Variants in ANO3 observed in about 807,000 individuals in gnomAD.
ANO3 encodes the protein anoctamin 3, also known as anoctamin-3.
ANO3 carries 99 observed loss-of-function variants against 144.8 expected under a neutral mutation model. The observed-to-expected ratio is 0.68, with a 90% CI of 0.58 to 0.81. ANO3 has a LOEUF of 0.81. Ranked by LOEUF, ANO3 falls within the 30% of genes least tolerant of loss-of-function variation. The pLI, the probability that ANO3 is intolerant of heterozygous loss-of-function variation, is 0.00. For synonymous variants in ANO3, 414 were observed against 392.6 expected (o/e 1.05, Z -0.64); for missense variants, 905 against 1,202.2 (o/e 0.75, Z 3.66).
intron 1 of ANO3, among the ~76,000 whole-genome samples, chr11:26,202,917 C>A (rs886790461): frequency 1.3e-5 from 2 of 152,088 alleles, no homozygotes; most frequent in Admixed American, 1.3e-4. Flanking sequence ...AGCGTAACAC[C>A]TGGCCATAGT....
chr11:26,230,980 G>A (rs946623356), intron 1 of ANO3, among the ~76,000 whole-genome samples: 16 of 149,526 alleles, frequency 1.1e-4, no homozygotes, highest in African/African-American at 4.0e-4. Flanking sequence ...CTGTGTTCCA[G>A]TGATTCTCCT....
chr11:26,235,379 A>G (rs1852497108), intron 1 of ANO3, among the ~76,000 whole-genome samples: 2 of 152,092 alleles, frequency 1.3e-5, no homozygotes, highest in African/African-American at 4.8e-5. Flanking sequence ...ATGTGTGTGT[A>G]TGTGTGTGTG....
At chr11:26,541,916 A>G (rs763661579) in intron 10 of ANO3, 31 bp from the exon 11 acceptor site, 2 of 1,587,828 alleles carry the variant, frequency 1.3e-6, no homozygotes, top group Non-Finnish European at 1.7e-6. Flanking sequence ...TAAAAAATAG[A>G]ACCAAATGTA....
At chr11:26,269,824 C>T (rs1853402432) in intron 1 of ANO3, among the ~76,000 whole-genome samples, 1 of 152,198 alleles carries the variant, frequency 6.6e-6, no homozygotes, top group African/African-American at 2.4e-5. Flanking sequence ...AAAAAATTCA[C>T]ATATTGAAAT....
rs1378474169 is a variant in ANO3, at chr11:26,537,450, C to A, written c.1021C>A (p.Pro341Thr). ...INNGSYIAAF[P>T]PHEGAYKSSQ... ...CAATGGCTCATACATAGCAGCGTTT[C>A]CACCACATGAGGTAATTTTGAAATA... Residue 341 changes from proline to threonine, a missense_variant, in exon 10 of 27, where the codon CCA (proline) becomes ACA (threonine). Pro to Thr is a conservative substitution (Grantham distance 38, BLOSUM62 -1). This residue lies in a region of ANO3 where 597 missense variants were observed against 865.1 expected (regional missense o/e 0.69). Coordinates refer to ENST00000256737, the MANE Select transcript of ANO3 (RefSeq NM_031418.4). 3 of 1,613,354 alleles carry A rather than the reference C, an allele frequency of 1.9e-6. No individual in the cohort carries two copies. The highest frequency in any genetic ancestry group is 2.7e-5 in the African/African-American group (2 of 74,920).
chr11:26,311,589 T>G (rs1490672954), intron 1 of ANO3, among the ~76,000 whole-genome samples: 1 of 152,218 alleles, frequency 6.6e-6, no homozygotes, highest in Non-Finnish European at 1.5e-5. Flanking sequence ...GTGAAGATAT[T>G]ACTAAAGAGG....
At chr11:26,392,259 G>GTT (rs1856902005) in intron 1 of ANO3, among the ~76,000 whole-genome samples, 1 of 110,766 alleles carries the variant, frequency 9.0e-6, no homozygotes, top group Non-Finnish European at 1.8e-5. Flanking sequence ...TTTTTTTTAA[G>GTT]AATATGGCAT....
chr11:26,208,540 G>A (rs1223788838), intron 1 of ANO3, among the ~76,000 whole-genome samples: 2 of 149,482 alleles, frequency 1.3e-5, no homozygotes, highest in Non-Finnish European at 2.9e-5. Flanking sequence ...AATTGCAGGT[G>A]GACACAAACA....
At chr11:26,321,723 A>C (rs1165539270) in intron 1 of ANO3, among the ~76,000 whole-genome samples, 5 of 152,034 alleles carry the variant, frequency 3.3e-5, no homozygotes, top group Non-Finnish European at 7.4e-5. Context: ...AAGAAGTCTG[A>C]TGTCAATCTC....
At chr11:26,431,913 A>G (rs916608954) in intron 1 of ANO3, among the ~76,000 whole-genome samples, 1 of 152,188 alleles carries the variant, frequency 6.6e-6, no homozygotes, top group African/African-American at 2.4e-5. Flanking sequence ...TCTTTTGGGT[A>G]TATACCCAAT....
chr11:26,236,614 C>T (rs913710519), intron 1 of ANO3, among the ~76,000 whole-genome samples: 7 of 151,808 alleles, frequency 4.6e-5, no homozygotes, highest in Admixed American at 2.6e-4. Flanking sequence ...GTCAGGAGAC[C>T]AAGACCATCC....
intron 1 of ANO3, among the ~76,000 whole-genome samples, chr11:26,258,541 C>G (rs1041633219): frequency 1.3e-5 from 2 of 152,098 alleles, no homozygotes; most frequent in Non-Finnish European, 2.9e-5. Context: ...CTTGAAGTGC[C>G]TCATAGTTGA....
chr11:26,500,157 C>T (rs1861135364), intron 4 of ANO3, among the ~76,000 whole-genome samples: 1 of 151,852 alleles, frequency 6.6e-6, no homozygotes, highest in African/African-American at 2.4e-5. Context: ...TTTCTATTGC[C>T]AAATATTTTA....
At chr11:26,257,215 T>C (rs1360017565) in intron 1 of ANO3, among the ~76,000 whole-genome samples, 1 of 152,100 alleles carries the variant, frequency 6.6e-6, no homozygotes, top group Non-Finnish European at 1.5e-5. Flanking sequence ...TACAGAAGCA[T>C]ACACACAAAA....
chr11:26,493,563 C>T (rs1246552907), intron 4 of ANO3, among the ~76,000 whole-genome samples: 1 of 152,156 alleles, frequency 6.6e-6, no homozygotes, highest in Non-Finnish European at 1.5e-5. Flanking sequence ...GCCCTAACCA[C>T]TCCTTCCTTA....
intron 8 of ANO3, among the ~76,000 whole-genome samples, chr11:26,532,351 C>T (rs993372654): frequency 6.6e-6 from 1 of 152,122 alleles, no homozygotes; most frequent in Non-Finnish European, 1.5e-5. Context: ...CTTTTTGCTG[C>T]ACTTTTTCAG....
intron 14 of ANO3, among the ~76,000 whole-genome samples, chr11:26,570,714 T>C (rs1465677407): frequency 6.6e-6 from 1 of 152,168 alleles, no homozygotes; most frequent in Non-Finnish European, 1.5e-5. Flanking sequence ...ACAGATGGGT[T>C]TTGTTTGTCT....
intron 14 of ANO3, among the ~76,000 whole-genome samples, chr11:26,586,627 C>T (rs1424734833): frequency 6.6e-6 from 1 of 151,214 alleles, no homozygotes; most frequent in South Asian, 2.1e-4. Context: ...CTCAGCCTCC[C>T]GAGTAGCTGG....
intron 17 of ANO3, among the ~76,000 whole-genome samples, chr11:26,621,113 A>G (rs12295913): frequency 0.12 from 17,686 of 152,160 alleles, 1,212 homozygotes; most frequent in African/African-American, 0.19. Flanking sequence ...GAACTGCCTA[A>G]TATGCCCCCT....
Sources: allele counts gnomAD v4.1 joint callset (sites outside exome capture counted in the v4.1 genomes callset), GRCh38; gene constraint gnomAD v4.1.1; regional missense constraint gnomAD v4.1.1; transcripts MANE v1.5; gene names NCBI Gene and HGNC (gene_info 2026-07-23, HGNC 2026-07-21).